The following SDC2 variants were observed in gnomAD, a reference collection of about 807,000 sequenced individuals.
The protein encoded by SDC2 is syndecan 2.
SDC2 carries 13 observed loss-of-function variants against 22.2 expected under a neutral mutation model. The ratio of observed to expected loss-of-function variants is 0.59; its 90% CI spans 0.38 to 0.93. The LOEUF is 0.93. Among genes scored for constraint, SDC2 ranks in the 40% least tolerant of loss-of-function variants. SDC2 has a pLI of 0.00. For synonymous variants in SDC2, 94 were observed against 92.8 expected, an observed-to-expected ratio of 1.01 and a Z score of -0.07; for missense variants, 235 against 246.8, an observed-to-expected ratio of 0.95 and a Z score of 0.32.
intron 1 of SDC2, among the ~76,000 whole-genome samples, chr8:96,506,012 A>G (rs1813233446): frequency 1.3e-5 from 2 of 152,232 alleles, no homozygotes; most frequent in South Asian, 4.1e-4. Context: ...TGTACAATCA[A>G]AATTGCCAAA....
At chr8:96,583,966 T>C (rs1814639259) in intron 1 of SDC2, among the ~76,000 whole-genome samples, 1 of 152,172 alleles carries the variant, frequency 6.6e-6, no homozygotes, top group Non-Finnish European at 1.5e-5. Context: ...CCCTAACTTT[T>C]ATTTCATTAG....
At chr8:96,570,385 TA>T (rs1814373367) in intron 1 of SDC2, among the ~76,000 whole-genome samples, 1 of 152,224 alleles carries the variant, frequency 6.6e-6, no homozygotes, top group Non-Finnish European at 1.5e-5. Flanking sequence ...TAGAAATATT[TA>T]TATGATTGTA....
chr8:96,565,452 AT>A (rs1298259232), intron 1 of SDC2, among the ~76,000 whole-genome samples: 1 of 151,780 alleles, frequency 6.6e-6, no homozygotes, highest in African/African-American at 2.4e-5. Context: ...GTACATCTTC[AT>A]TTTTTTTCCT....
intron 3 of SDC2, among the ~76,000 whole-genome samples, chr8:96,605,869 GA>G (rs780333577): frequency 1.9e-4 from 29 of 152,208 alleles, no homozygotes; most frequent in Non-Finnish European, 3.5e-4. Context: ...TTAAGGTGCA[GA>G]AAAGAAGTAT....
At chr8:96,584,887 A>G (rs1814655429) in intron 1 of SDC2, 1 of 152,222 alleles carries the variant, frequency 6.6e-6, no homozygotes, top group South Asian at 2.1e-4. Context: ...TCAAAGTCCC[A>G]GGCGTTGCTT....
At chr8:96,541,521 A>G (rs1224213618) in intron 1 of SDC2, among the ~76,000 whole-genome samples, 1 of 151,142 alleles carries the variant, frequency 6.6e-6, no homozygotes, top group Non-Finnish European at 1.5e-5. Context: ...AAAAAAAAAA[A>G]AAGAAGGAAA....
At chr8:96,608,219 T>C in intron 3 of SDC2, 116 bp from the exon 4 acceptor site, 2 of 871,140 alleles carry the variant, frequency 2.3e-6, no homozygotes, top group East Asian at 2.6e-5. Flanking sequence ...ATTCCAGTTA[T>C]TTCCTAAACT....
At chr8:96,541,775 T>C (rs935798200) in intron 1 of SDC2, among the ~76,000 whole-genome samples, 1 of 152,182 alleles carries the variant, frequency 6.6e-6, no homozygotes, top group Admixed American at 6.5e-5. Context: ...ATGAATGTGG[T>C]GATGATTGCA....
At chr8:96,594,962 C>A in intron 2 of SDC2, among the ~76,000 whole-genome samples, 1 of 152,120 alleles carries the variant, frequency 6.6e-6, no homozygotes, top group East Asian at 1.9e-4. Context: ...CCACCAGCTC[C>A]CTCCCATGAC....
intron 1 of SDC2, among the ~76,000 whole-genome samples, chr8:96,502,713 T>C (rs1489109886): frequency 2.0e-5 from 3 of 152,186 alleles, no homozygotes; most frequent in South Asian, 2.1e-4. Context: ...GATACACTTA[T>C]TATGTAACCT....
At chr8:96,598,313 A>C (rs1814915754) in intron 2 of SDC2, among the ~76,000 whole-genome samples, 1 of 152,194 alleles carries the variant, frequency 6.6e-6, no homozygotes, top group South Asian at 2.1e-4. Context: ...AAGTAAAAGA[A>C]AATGTTATTT....
intron 1 of SDC2, among the ~76,000 whole-genome samples, chr8:96,520,702 T>A (rs1813483328): frequency 6.6e-6 from 1 of 152,198 alleles, no homozygotes; most frequent in Non-Finnish European, 1.5e-5. Context: ...ACAGGCCTGG[T>A]GCCAGGCAAT....
chr8:96,565,688 A>G (rs139671489), intron 1 of SDC2, among the ~76,000 whole-genome samples: 36 of 152,184 alleles, frequency 2.4e-4, no homozygotes, highest in Admixed American at 1.7e-3. Flanking sequence ...TCATACCTGC[A>G]TTACACATAG....
chr8:96,569,304 C>T (rs775088114), intron 1 of SDC2, among the ~76,000 whole-genome samples: 1 of 152,230 alleles, frequency 6.6e-6, no homozygotes, highest in Non-Finnish European at 1.5e-5. Context: ...CCACCACTCT[C>T]AGCCTCTTCC....
intron 1 of SDC2, among the ~76,000 whole-genome samples, chr8:96,589,561 T>G (rs1814743245): frequency 6.6e-6 from 1 of 152,174 alleles, no homozygotes; most frequent in Non-Finnish European, 1.5e-5. Flanking sequence ...TACAGGCACC[T>G]GCCACCACAC....
intron 1 of SDC2, among the ~76,000 whole-genome samples, chr8:96,549,046 G>C (rs1019327598): frequency 2.6e-5 from 4 of 152,150 alleles, no homozygotes; most frequent in African/African-American, 9.7e-5. Flanking sequence ...AATTGAACTC[G>C]AAGGTGCCTC....
chr8:96,592,806 G>A (rs1197903777), intron 1 of SDC2, among the ~76,000 whole-genome samples: 1 of 152,218 alleles, frequency 6.6e-6, no homozygotes, highest in African/African-American at 2.4e-5. Context: ...GCTTTGCTAA[G>A]CCAATGAGCC....
chr8:96,597,576 T>G (rs1814899923), intron 2 of SDC2, among the ~76,000 whole-genome samples: 2 of 152,100 alleles, frequency 1.3e-5, no homozygotes, highest in Admixed American at 6.5e-5. Flanking sequence ...GGACAGCCAC[T>G]TACAGGAAGA....
In SDC2 at chr8:96,494,016, T is replaced by C; in HGVS notation, c.-256T>C. 1 of 530,570 alleles carries C rather than the reference T, an allele frequency of 1.9e-6. No homozygotes were observed. Among genetic ancestry groups the C allele is most frequent in the Non-Finnish European group, 3.3e-6 (1 of 304,574 alleles). 32.9% of individuals were successfully genotyped at this position (530,570 alleles called of 1,614,324 possible). A position where few individuals can be genotyped will look rare whatever the true frequency, so the allele number is the denominator to read the frequency against. ...AGAGCAGCCTTCCCGGAGCACCAAC[T>C]CCGTGTCGGGAGTGCAGAAACCAAC... is the stretch of plus-strand genomic sequence containing the variant. On this transcript the variant is annotated 5_prime_UTR_variant, in exon 1 of 5. Coordinates refer to ENST00000302190, the MANE Select transcript of SDC2 (RefSeq NM_002998.4).
Sources: allele counts gnomAD v4.1 joint callset (sites outside exome capture counted in the v4.1 genomes callset), GRCh38; gene constraint gnomAD v4.1.1; transcripts MANE v1.5; gene names NCBI Gene and HGNC (gene_info 2026-07-23, HGNC 2026-07-21).